Variants in UPF2 observed in about 807,000 individuals in gnomAD.
UPF2 encodes regulator of nonsense transcripts 2.
In UPF2, 17 loss-of-function variants were observed where a neutral mutation model predicts 141.4. The observed-to-expected ratio is 0.12, with a 90% CI of 0.08 to 0.18. The LOEUF is 0.18. UPF2 is among the 10% of genes least tolerant of loss of function. The probability of loss-of-function intolerance (pLI) is 1.00; values close to 1 mark genes in which losing one functional copy is unlikely to be tolerated. For missense variants in UPF2, 1,152 were observed against 1,515.9 expected (o/e 0.76, Z 3.99); for synonymous variants, 540 against 498.0 (o/e 1.08, Z -1.12).
intron 2 of UPF2, among the ~76,000 whole-genome samples, chr10:12,032,676 C>G (rs976931912): frequency 6.7e-6 from 1 of 150,028 alleles, no homozygotes; most frequent in Non-Finnish European, 1.5e-5. Context: ...AGGCAGAGAT[C>G]GCAGTGAGCC....
chr10:11,985,633 A>C (rs11591242), intron 8 of UPF2, among the ~76,000 whole-genome samples: 41,893 of 150,330 alleles, frequency 0.28, 6,006 homozygotes, highest in East Asian at 0.45. Flanking sequence ...AAAAAAAAAA[A>C]AAACAAACAA....
intron 5 of UPF2, among the ~76,000 whole-genome samples, chr10:12,002,690 T>C (rs1833972743): frequency 6.6e-6 from 1 of 151,900 alleles, no homozygotes. Flanking sequence ...CAAAGGAAAA[T>C]GGCCAGTAAC....
chr10:12,021,016 T>C (rs1371464936), intron 3 of UPF2, among the ~76,000 whole-genome samples: 1 of 152,170 alleles, frequency 6.6e-6, no homozygotes, highest in East Asian at 1.9e-4. Flanking sequence ...TTGGTAAATA[T>C]TGAGCGGCTA....
At chr10:11,975,279 C>T (rs1025615308) in intron 9 of UPF2, among the ~76,000 whole-genome samples, 2 of 152,112 alleles carry the variant, frequency 1.3e-5, no homozygotes, top group African/African-American at 4.8e-5. Flanking sequence ...AAACAAAAAG[C>T]TGTCCCCCTC....
chr10:11,970,790 C>T (rs935261655), intron 9 of UPF2, among the ~76,000 whole-genome samples: 2 of 151,540 alleles, frequency 1.3e-5, no homozygotes, highest in Admixed American at 6.6e-5. Context: ...CCAGCCCGGG[C>T]GACAGAGTGA....
chr10:12,001,250 C>A (rs1170373237), intron 6 of UPF2, among the ~76,000 whole-genome samples: 2 of 151,980 alleles, frequency 1.3e-5, no homozygotes, highest in East Asian at 1.9e-4. Flanking sequence ...CCCATCTCTA[C>A]TAAAAATACA....
In UPF2 at chr10:11,940,860, T is replaced by C. The variant is rs1452279182; in HGVS notation, c.3378+1805A>G. Among the ~76,000 whole-genome samples, 2 of 152,160 alleles carry C rather than the reference T, an allele frequency of 1.3e-5. No homozygotes were observed. Among genetic ancestry groups the C allele is most frequent in the Non-Finnish European group, 2.9e-5 (2 of 68,024 alleles). On this transcript the variant is annotated intron_variant, in intron 18 of 21. Transcript: ENST00000357604. This position sits in a 1 kb window ranked among gnomAD's most constrained non-coding sequence, Gnocchi z 4.2. ...GCCCTCTATTAGTGCTGGCCGCCTT[T>C]TAGTTTTTTAAATACAGGTTCTTTT...
intron 4 of UPF2, among the ~76,000 whole-genome samples, chr10:12,006,536 T>C (rs1472755203): frequency 6.6e-6 from 1 of 152,184 alleles, no homozygotes; most frequent in Admixed American, 6.5e-5. Flanking sequence ...ACTCCTTACT[T>C]TCCTTACAGA....
At chr10:11,945,546 G>A (rs1055559701) in intron 16 of UPF2, among the ~76,000 whole-genome samples, 1 of 152,142 alleles carries the variant, frequency 6.6e-6, no homozygotes, top group Non-Finnish European at 1.5e-5. Flanking sequence ...CAAGCACTTG[G>A]AACCTCCCTC....
intron 18 of UPF2, among the ~76,000 whole-genome samples, chr10:11,938,205 T>G (rs1014429476): frequency 1.3e-5 from 2 of 152,214 alleles, no homozygotes; most frequent in African/African-American, 4.8e-5. Flanking sequence ...TACATATTTT[T>G]TCTTCTGTTT....
chr10:11,970,638 CCT>C (rs1288197921), intron 9 of UPF2, among the ~76,000 whole-genome samples: 1 of 151,994 alleles, frequency 6.6e-6, no homozygotes, highest in Non-Finnish European at 1.5e-5. Context: ...ACGGTGAAAC[CCT>C]GTCTCTACTA....
At chr10:12,035,883 T>G in intron 1 of UPF2, 1 of 152,818 alleles carries the variant, frequency 6.5e-6, no homozygotes. Context: ...TAATATTCAA[T>G]GTCAGTATTT....
chr10:11,986,860 G>A (rs897416770), intron 8 of UPF2, among the ~76,000 whole-genome samples: 1 of 152,106 alleles, frequency 6.6e-6, no homozygotes, highest in Non-Finnish European at 1.5e-5. Context: ...TGAAGGAGGA[G>A]GTCCAATCAG....
chr10:11,932,516 G>C (rs1832795282), intron 19 of UPF2, among the ~76,000 whole-genome samples: 1 of 151,986 alleles, frequency 6.6e-6, no homozygotes, highest in Non-Finnish European at 1.5e-5. Flanking sequence ...TATGAACTCT[G>C]AGACAAGTTT....
chr10:11,922,249 T>G (rs548865642), intron 21 of UPF2, among the ~76,000 whole-genome samples: 2 of 152,290 alleles, frequency 1.3e-5, no homozygotes, highest in South Asian at 4.1e-4. Flanking sequence ...ACAACAGACA[T>G]CTGTCGTTTA....
rs368829500 is a variant in UPF2, at chr10:11,992,676, T to C, written c.1844+4996A>G. Among the ~76,000 whole-genome samples the C allele has an allele frequency of 3.3e-4, 51 of 152,294 alleles. No homozygotes were observed. In the East Asian group the frequency reaches 4.1e-3, roughly 12 times the overall value. Reference sequence around the variant, plus strand: ...TTACAGAACTCAAGCCAATCATAAATAGCCTAAATTACTTTCATTAAAAGA... The same window carrying C: ...TTACAGAACTCAAGCCAATCATAAACAGCCTAAATTACTTTCATTAAAAGA... On this transcript the variant is annotated intron_variant, in intron 8 of 21. Transcript: ENST00000357604. This position sits in a 1 kb window ranked among gnomAD's most constrained non-coding sequence, Gnocchi z 4.1.
Position 12,038,821 on chromosome 10 carries a change from T to TA in UPF2, c.-18-3381dup, listed in dbSNP as rs879823638. 3.6e-4 allele frequency among the ~76,000 whole-genome samples: 54 copies of TA among 151,654 alleles called. 1 individual carries two copies. Among genetic ancestry groups the TA allele is most frequent in the Admixed American group, 1.8e-3 (28 of 15,204 alleles). On this transcript the variant is annotated intron_variant, in intron 1 of 21. Transcript: ENST00000357604. ...ATTTATATTATCTATTTTTTTAATT[T>TA]AAAAAAAAACTGTTTTAATAAAATA...
At chr10:12,000,042 A>G in intron 6 of UPF2, 33 bp from the exon 7 acceptor site, 1 of 1,510,952 alleles carries the variant, frequency 6.6e-7, no homozygotes, top group Non-Finnish European at 9.0e-7. Flanking sequence ...ATAGGTTAAA[A>G]AAAAAAGAGA....
chr10:12,013,891 T>C (rs568438715), intron 4 of UPF2, 133 bp downstream of exon 4: 2 of 903,272 alleles, frequency 2.2e-6, no homozygotes, highest in Non-Finnish European at 3.0e-6. Context: ...TGAGCCACCA[T>C]GCTTGGCCCA....
Sources: gnomAD v4.1 joint callset for allele counts (sites outside exome capture counted in the v4.1 genomes callset) on GRCh38, gnomAD v4.1.1 for gene constraint, Gnocchi (gnomAD v3.1) non-coding constraint, MANE v1.5 for transcripts, NCBI Gene and HGNC (gene_info 2026-07-23, HGNC 2026-07-21) for gene names.